The following PCDHA4 variants were observed in gnomAD, a reference collection of about 807,000 sequenced individuals.
The protein encoded by PCDHA4 is protocadherin alpha-4.
In PCDHA4, 49 loss-of-function variants were observed where a neutral mutation model predicts 61.4. The observed-to-expected ratio is 0.80, with a 90% confidence interval of 0.63 to 1.01. The LOEUF is 1.01. Among genes scored for constraint, PCDHA4 ranks in the 50% least tolerant of loss-of-function variants. PCDHA4 has a pLI of 0.00. For synonymous variants in PCDHA4, 590 were observed against 550.3 expected, an observed-to-expected ratio of 1.07 and a Z score of -1.01; for missense variants, 1,254 against 1,235.8, an observed-to-expected ratio of 1.01 and a Z score of -0.22.
rs2150314975 is a variant in PCDHA4, at chr5:140,841,416, A to G, written c.2385+31844A>G. 6 of 1,613,024 alleles carry G rather than the reference A, an allele frequency of 3.7e-6. No homozygotes were observed. The South Asian group carries it at 6.6e-5, about 18-fold the overall frequency. On this transcript the variant is annotated intron_variant, in intron 1 of 3. Coordinates refer to ENST00000530339, the MANE Select transcript of PCDHA4 (RefSeq NM_018907.4). Reference sequence around the variant, plus strand: ...TGGAAGGTGGGGAGCGGCCAGCTCCACTACTCCGTCCCCGAGGAGGCCAAA... The same window carrying G: ...TGGAAGGTGGGGAGCGGCCAGCTCCGCTACTCCGTCCCCGAGGAGGCCAAA...
intron 1 of PCDHA4, chr5:140,875,613 C>G (rs2055652849): frequency 8.1e-6 from 13 of 1,613,708 alleles, no homozygotes; most frequent in Non-Finnish European, 1.1e-5. Flanking sequence ...TCGTGGGCCG[C>G]ATCGCTCAGG....
rs2150154033 is a variant in PCDHA4, at chr5:140,828,324, A to C, written c.2385+18752A>C. ...GACCGCGAGGACCTTCTGGAGGTAA[A>C]TCTGCAGAATGGCATTTTGTTTGTG... On this transcript the variant is annotated intron_variant, in intron 1 of 3. Transcript: ENST00000530339. The C allele has an allele frequency of 3.7e-6, 6 of 1,614,194 alleles. No homozygotes were observed. In the South Asian group the frequency reaches 6.6e-5, roughly 18 times the overall value.
intron 1 of PCDHA4, chr5:140,876,810 C>T (rs782009058): frequency 1.9e-6 from 3 of 1,614,154 alleles, no homozygotes; most frequent in East Asian, 2.2e-5. Flanking sequence ...TGGAGGTGGC[C>T]GACGTGAACG....
chr5:140,830,117 C>T (rs2150181375), intron 1 of PCDHA4: 1 of 1,613,510 alleles, frequency 6.2e-7, no homozygotes. Context: ...TGGCCAGGCT[C>T]CAAAGGCGTC....
intron 2 of PCDHA4, among the ~76,000 whole-genome samples, chr5:140,979,601 C>T (rs1214449101): frequency 1.3e-5 from 2 of 152,160 alleles, no homozygotes; most frequent in African/African-American, 4.8e-5. Context: ...TTTAAATTAA[C>T]CTAGAGTAAC....
chr5:140,807,339 A>C lies in PCDHA4; in HGVS notation c.152A>C (p.Asp51Ala). 7 of 1,613,222 alleles carry C rather than the reference A, an allele frequency of 4.3e-6. No individual in the cohort carries two copies. Among genetic ancestry groups the C allele is most frequent in the African/African-American group, 1.3e-5 (1 of 74,792 alleles). Residue 51 changes from aspartate to alanine, a missense_variant, in exon 1 of 4, where the codon GAC becomes GCC. Physicochemically the swap from Asp to Ala is moderately radical, Grantham distance 126. Coordinates refer to ENST00000530339, the MANE Select transcript of PCDHA4 (RefSeq NM_018907.4). ...HGTFVGRIAQDLGLELAELVP... is the reference protein window; with the variant it reads ...HGTFVGRIAQALGLELAELVP... ...ACCTTCGTGGGCCGCATCGCGCAGG[A>C]CCTGGGACTGGAGCTGGCGGAGCTG...
intron 1 of PCDHA4, among the ~76,000 whole-genome samples, chr5:140,965,427 G>A (rs1336088571): frequency 6.6e-6 from 1 of 152,104 alleles, no homozygotes; most frequent in Non-Finnish European, 1.5e-5. Flanking sequence ...AAGATAAGCT[G>A]CAGTCATTGA....
chr5:140,850,754 G>A lies in PCDHA4; in HGVS notation c.2385+41182G>A, dbSNP rs2150497154. 7 of 1,598,000 alleles carry A rather than the reference G, an allele frequency of 4.4e-6. 1 individual carries two copies. In the African/African-American group the frequency reaches 6.7e-5, roughly 15 times the overall value. On this transcript the variant is annotated intron_variant, in intron 1 of 3. Transcript: ENST00000530339. ...TGGGGAGTTGGTCGTACTCGCAGCA[G>A]AGGAGGCAGAGGGTGTGCTCTGGCG...
chr5:140,882,798 A>G, intron 1 of PCDHA4: 1 of 1,614,236 alleles, frequency 6.2e-7, no homozygotes, highest in South Asian at 1.1e-5. Context: ...CCCAACGATT[A>G]TTTCACTTTG....
chr5:140,990,157 T>C (rs113813870), intron 3 of PCDHA4, among the ~76,000 whole-genome samples: 6 of 152,050 alleles, frequency 3.9e-5, no homozygotes, highest in African/African-American at 1.2e-4. Flanking sequence ...AATAGAAAGT[T>C]AGGGTATGAA....
rs1554125225 is a variant in PCDHA4 at position 140,809,464 on chromosome 5, C to T, written c.2277C>T (p.Cys759=). The T allele has an allele frequency of 6.2e-6, 10 of 1,614,130 alleles. No individual in the cohort carries two copies. Among genetic ancestry groups the T allele is most frequent in the Admixed American group, 3.3e-5 (2 of 60,012 alleles). Residue 759 remains cysteine (C), a synonymous_variant, in exon 1 of 4, where the codon TGC becomes TGT. Coordinates refer to ENST00000530339, the MANE Select transcript of PCDHA4 (RefSeq NM_018907.4). The part of the protein sequence containing the change: ...SYSQQRRPRV[C]SGEGPPKTDL... ...CGCAGCAGAGGAGGCCGAGGGTGTG[C>T]TCTGGTGAGGGCCCACCCAAGACCG...
intron 1 of PCDHA4, chr5:140,927,159 C>G (rs782468229): frequency 6.2e-7 from 1 of 1,614,046 alleles, no homozygotes; most frequent in Non-Finnish European, 8.5e-7. Context: ...TGTGCAGGGC[C>G]AAAGCTGCCT....
At position 140,808,283 on chromosome 5, in the gene PCDHA4, G is replaced by A. The variant is rs367717209; in HGVS notation, c.1096G>A (p.Gly366Ser). The A allele has an allele frequency of 1.2e-6, 2 of 1,614,098 alleles. No individual in the cohort carries two copies. The highest frequency in any genetic ancestry group is 2.7e-5 in the African/African-American group (2 of 74,932). Residue 366 changes from glycine (G) to serine (S), a missense_variant, in exon 1 of 4, where the codon GGT becomes AGT. Gly to Ser is a moderately conservative substitution (Grantham distance 56). Coordinates refer to ENST00000530339, the MANE Select transcript of PCDHA4 (RefSeq NM_018907.4). ...TCCAATTAGAGAGGACGCTCCACTG[G>A]GTACAGTCATCGCCCTGATCAGCGT... Reference protein sequence around the residue: ...SLPIREDAPLGTVIALISVSD... With the variant: ...SLPIREDAPLSTVIALISVSD...
chr5:140,881,310 G>A (rs782291557), intron 1 of PCDHA4: 31 of 977,830 alleles, frequency 3.2e-5, no homozygotes, highest in Non-Finnish European at 3.6e-5. Flanking sequence ...TAACCTCCTG[G>A]TTAAATTCTA....
In PCDHA4 at chr5:140,849,836, C is replaced by T. The variant is rs2150452657; in HGVS notation, c.2385+40264C>T. 6 of 1,598,428 alleles carry T rather than the reference C, an allele frequency of 3.8e-6. 1 individual carries two copies. The Admixed American group carries it at 5.1e-5, about 13-fold the overall frequency. On this transcript the variant is annotated intron_variant, in intron 1 of 3. Coordinates refer to ENST00000530339, the MANE Select transcript of PCDHA4 (RefSeq NM_018907.4). Reference sequence around the variant, plus strand: ...CCAGGGTGTCTGTGGAGGTGGCCGACGTGAACGACAACGCACCAGCGTTCG... The same window carrying T: ...CCAGGGTGTCTGTGGAGGTGGCCGATGTGAACGACAACGCACCAGCGTTCG...
At chr5:140,823,685 A>G in intron 1 of PCDHA4, 1 of 1,613,946 alleles carries the variant, frequency 6.2e-7, no homozygotes, top group Non-Finnish European at 8.5e-7. Context: ...CGCTCTCTGG[A>G]TGAGACCGAA....
At chr5:140,866,798 C>T (rs900250117) in intron 1 of PCDHA4, 1 of 152,110 alleles carries the variant, frequency 6.6e-6, no homozygotes, top group Non-Finnish European at 1.5e-5. Context: ...TAGTAAAAGT[C>T]AGGCACAAAG....
chr5:140,966,852 T>C, intron 1 of PCDHA4: 1 of 1,572,518 alleles, frequency 6.4e-7, no homozygotes, highest in South Asian at 1.1e-5. Flanking sequence ...CTGCCTCTCC[T>C]GCTGCTGTTG....
chr5:140,877,835 G>A, intron 1 of PCDHA4: 11 of 1,586,326 alleles, frequency 6.9e-6, no homozygotes, highest in Non-Finnish European at 9.4e-6. Context: ...AATCCTCCCA[G>A]TGAAGTAAGT....
Sources: gnomAD v4.1 joint callset for allele counts (sites outside exome capture counted in the v4.1 genomes callset) on GRCh38, gnomAD v4.1.1 for gene constraint, MANE v1.5 for transcripts, NCBI Gene and HGNC (gene_info 2026-07-23, HGNC 2026-07-21) for gene names.